ZNF385D: variants seen among roughly 807,000 people sequenced by gnomAD.
The protein encoded by ZNF385D is zinc finger protein 385D, also known as zinc finger protein 659.
In ZNF385D, 15 loss-of-function variants were observed where a neutral mutation model predicts 35.8. That is an observed-to-expected ratio of 0.42 (90% CI 0.28 to 0.64). The LOEUF (loss-of-function observed/expected upper bound fraction) is 0.64. ZNF385D is among the 30% of genes least tolerant of loss of function. The pLI is 0.23. For synonymous variants in ZNF385D, 212 were observed against 186.8 expected (o/e 1.13, Z -1.10); for missense variants, 474 against 494.6 (o/e 0.96, Z 0.39).
rs147433070 is a variant in ZNF385D, at chr3:21,624,473, C to A, written c.165+40413G>T. ...TATAAAAGATGAAAAAGATATGTTA[C>A]CTGCATTGGGAGAGACTTAGTTTCT... On this transcript the variant is annotated intron_variant, in intron 2 of 7. Coordinates refer to ENST00000281523, the MANE Select transcript of ZNF385D (RefSeq NM_024697.3). 9.2e-5 allele frequency among the ~76,000 whole-genome samples: 14 copies of A among 152,118 alleles called. No individual in the cohort carries two copies. In the East Asian group the frequency reaches 2.7e-3, roughly 29 times the overall value.
At chr3:21,665,083 A>C in intron 1 of ZNF385D, 55 bp from the exon 2 acceptor site, 2 of 1,510,402 alleles carry the variant, frequency 1.3e-6, no homozygotes, top group Non-Finnish European at 1.8e-6. Context: ...GGAAAAAAAC[A>C]CCAAAGTTGC....
chr3:21,504,572 T>C (rs1046508312), intron 4 of ZNF385D, among the ~76,000 whole-genome samples: 1 of 152,152 alleles, frequency 6.6e-6, no homozygotes, highest in Admixed American at 6.5e-5. Context: ...TCAAGAGGCA[T>C]GCCCTCTAGC....
chr3:22,175,145 T>C (rs1056063416), intron 2 of ZNF385D, among the ~76,000 whole-genome samples: 1 of 151,966 alleles, frequency 6.6e-6, no homozygotes, highest in African/African-American at 2.4e-5. Context: ...GAGTTTATAA[T>C]TCTTATACAA....
chr3:22,210,294 T>A (rs1697436727), intron 2 of ZNF385D, among the ~76,000 whole-genome samples: 2 of 151,962 alleles, frequency 1.3e-5, no homozygotes, highest in Admixed American at 1.3e-4. Flanking sequence ...CAGGGATTTT[T>A]TCTTCTATTT....
chr3:21,588,141 A>C (rs1421867896), intron 2 of ZNF385D, among the ~76,000 whole-genome samples: 3 of 152,204 alleles, frequency 2.0e-5, no homozygotes, highest in Non-Finnish European at 2.9e-5. Context: ...AATACCACAG[A>C]ACACGATATT....
At chr3:21,518,552 C>T (rs865981637) in intron 3 of ZNF385D, among the ~76,000 whole-genome samples, 10 of 152,276 alleles carry the variant, frequency 6.6e-5, no homozygotes, top group East Asian at 1.9e-4. Context: ...AAATCAACCC[C>T]TGTATCAAAC....
chr3:21,718,803 C>T (rs1457854013), intron 1 of ZNF385D, among the ~76,000 whole-genome samples: 1 of 152,174 alleles, frequency 6.6e-6, no homozygotes, highest in Non-Finnish European at 1.5e-5. Flanking sequence ...GCCAAACTGA[C>T]AATCACAACT....
chr3:21,720,824 G>C (rs754752900), intron 1 of ZNF385D, among the ~76,000 whole-genome samples: 2 of 152,136 alleles, frequency 1.3e-5, no homozygotes, highest in Non-Finnish European at 2.9e-5. Context: ...TCTATTGTAG[G>C]GTAGTAGTGG....
At chr3:21,515,711 T>A (rs1216937284) in intron 3 of ZNF385D, among the ~76,000 whole-genome samples, 1 of 152,210 alleles carries the variant, frequency 6.6e-6, no homozygotes, top group Admixed American at 6.5e-5. Flanking sequence ...TAGTTTAACA[T>A]TGAGGCAAGG....
At chr3:22,339,101 A>C (rs1017722911) in intron 2 of ZNF385D, among the ~76,000 whole-genome samples, 3 of 152,190 alleles carry the variant, frequency 2.0e-5, no homozygotes, top group African/African-American at 7.2e-5. Context: ...ACATACATGC[A>C]CATTTTATAT....
At chr3:21,699,026 G>C (rs984270911) in intron 1 of ZNF385D, among the ~76,000 whole-genome samples, 1 of 152,144 alleles carries the variant, frequency 6.6e-6, no homozygotes, top group African/African-American at 2.4e-5. Context: ...CTACTATAAA[G>C]ACACATGCAC....
intron 3 of ZNF385D, among the ~76,000 whole-genome samples, chr3:21,776,814 C>G (rs1251347455): frequency 6.6e-6 from 1 of 151,914 alleles, no homozygotes; most frequent in Non-Finnish European, 1.5e-5. Context: ...ACCAGAACTC[C>G]ATGAGAAAGG....
intron 1 of ZNF385D, among the ~76,000 whole-genome samples, chr3:21,742,716 T>C (rs2069578242): frequency 6.6e-6 from 1 of 152,194 alleles, no homozygotes; most frequent in South Asian, 2.1e-4. Flanking sequence ...GGAGTCTCTC[T>C]TGTGTTTCCA....
intron 3 of ZNF385D, among the ~76,000 whole-genome samples, chr3:21,774,559 A>C (rs931044110): frequency 6.6e-6 from 1 of 151,922 alleles, no homozygotes; most frequent in African/African-American, 2.4e-5. Flanking sequence ...TATTCCATGG[A>C]ATCACAAAGC....
At chr3:21,460,526 AATT>A (rs199686552) in intron 4 of ZNF385D, among the ~76,000 whole-genome samples, 3,373 of 152,274 alleles carry the variant, frequency 0.022, 109 homozygotes, top group African/African-American at 0.073. Flanking sequence ...AATTTTAAAA[AATT>A]ATTATATTGC....
At chr3:22,175,970 G>T (rs1246751225) in intron 2 of ZNF385D, among the ~76,000 whole-genome samples, 1 of 150,194 alleles carries the variant, frequency 6.7e-6, no homozygotes. Flanking sequence ...AAATTATAGT[G>T]GGTCACAATA....
At chr3:21,432,984 A>AAT (rs10626891) in intron 5 of ZNF385D, among the ~76,000 whole-genome samples, 99,600 of 151,706 alleles carry the variant, frequency 0.66, 34,602 homozygotes, top group Non-Finnish European at 0.77. Flanking sequence ...ATCATGACAT[A>AAT]ATTTGATCCT....
intron 3 of ZNF385D, among the ~76,000 whole-genome samples, chr3:22,104,047 G>T (rs867238951): frequency 2.6e-5 from 4 of 152,004 alleles, no homozygotes; most frequent in African/African-American, 4.8e-5. Flanking sequence ...AAAATAATTT[G>T]CCAGCCTTGG....
chr3:21,892,368 T>G (rs1333437803), intron 3 of ZNF385D, among the ~76,000 whole-genome samples: 2 of 152,120 alleles, frequency 1.3e-5, no homozygotes, highest in Non-Finnish European at 2.9e-5. Flanking sequence ...TTTGCCCAAA[T>G]AAATTCCTCC....
Sources: allele counts gnomAD v4.1 joint callset (sites outside exome capture counted in the v4.1 genomes callset), GRCh38; gene constraint gnomAD v4.1.1; transcripts MANE v1.5; gene names NCBI Gene and HGNC (gene_info 2026-07-23, HGNC 2026-07-21).